GTF2F2: variants seen among roughly 807,000 people sequenced by gnomAD.
The protein encoded by GTF2F2 is general transcription factor IIF subunit 2.
GTF2F2 carries 23 observed loss-of-function variants against 42.2 expected under a neutral mutation model. That is an observed-to-expected ratio of 0.55 (90% confidence interval 0.39 to 0.77). The LOEUF (loss-of-function observed/expected upper bound fraction) is 0.77. GTF2F2 is among the 30% of genes least tolerant of loss of function. GTF2F2 has a pLI of 0.00. For synonymous variants in GTF2F2, 105 were observed against 100.8 expected, an observed-to-expected ratio of 1.04 and a Z score of -0.25; for missense variants, 261 against 287.2, an observed-to-expected ratio of 0.91 and a Z score of 0.66.
intron 4 of GTF2F2, among the ~76,000 whole-genome samples, chr13:45,175,238 CTAGGCTCATACATG>C (rs1871817070): frequency 6.6e-6 from 1 of 152,214 alleles, no homozygotes; most frequent in Non-Finnish European, 1.5e-5. Flanking sequence ...ATAATTACCT[CTAGGCTCATACATG>C]TTGCCTTGTT....
rs1383837531 is a variant in GTF2F2, at chr13:45,267,374, G to C, written c.628G>C (p.Val210Leu). 1 of 1,599,358 alleles carries C rather than the reference G, an allele frequency of 6.3e-7. No individual in the cohort carries two copies. Among genetic ancestry groups the C allele is most frequent in the Non-Finnish European group, 8.6e-7 (1 of 1,169,350 alleles). The change falls in exon 7 of 8, where the codon GTG (valine) becomes CTG (leucine). Residue 210 changes from valine to leucine, a missense_variant and splice_region_variant. Transcript: ENST00000340473. ...CTTGGTGGACATCACAAAGCAACCT[G>C]TGGTATGTATATGTTCATACTGATC... ...KDLVDITKQP[V>L]VYLKEILKEI...
intron 2 of GTF2F2, among the ~76,000 whole-genome samples, chr13:45,140,559 G>A (rs1464118770): frequency 1.3e-5 from 2 of 152,132 alleles, no homozygotes; most frequent in African/African-American, 4.8e-5. Flanking sequence ...TATGGAAATA[G>A]TTATTTATTT....
rs375937713 is a variant in GTF2F2 at position 45,133,898 on chromosome 13, A to G, written c.67-2835A>G. 9.8e-5 allele frequency among the ~76,000 whole-genome samples: 15 copies of G among 152,312 alleles called. No individual in the cohort carries two copies. The South Asian group carries it at 3.1e-3, about 32-fold the overall frequency. On this transcript the variant is annotated intron_variant, in intron 1 of 7. Coordinates refer to ENST00000340473, the MANE Select transcript of GTF2F2 (RefSeq NM_004128.3). ...AAGTCCGCTGGGTCTGAGTGCACTC[A>G]TTAAAGATATCCTCCTGTATACACC...
intron 4 of GTF2F2, among the ~76,000 whole-genome samples, chr13:45,168,906 T>TCCCTCCTTCCTTCCCTCCCTC (rs145117805): frequency 2.3e-5 from 2 of 87,340 alleles, no homozygotes; most frequent in South Asian, 4.5e-4. Flanking sequence ...CCTCCCTCCC[T>TCCCTCCTTCCTTCCCTCCCTC]CCTCCTTCCT....
chr13:45,252,905 C>A lies in GTF2F2; in HGVS notation c.421C>A (p.Leu141Ile). 1 of 1,509,698 alleles carries A rather than the reference C, an allele frequency of 6.6e-7. No homozygotes were observed. The highest frequency in any genetic ancestry group is 8.8e-7 in the Non-Finnish European group (1 of 1,133,064). 93.5% of individuals were successfully genotyped at this position (1,509,698 alleles called of 1,614,324 possible). ...QIEESSKPVR[L>I]SQQLDKVVTT... is the part of the protein sequence containing the mutation. ...AGAAGAGTCTTCCAAACCAGTGAGG[C>A]TATCACAACAGCTGGACAAAGTTGT... Residue 141 changes from leucine to isoleucine, a missense_variant, in exon 6 of 8, where the codon CTA (leucine) becomes ATA (isoleucine). Transcript: ENST00000340473.
chr13:45,268,579 A>C (rs1412063971), intron 7 of GTF2F2, among the ~76,000 whole-genome samples: 2 of 152,170 alleles, frequency 1.3e-5, no homozygotes, highest in Admixed American at 6.5e-5. Flanking sequence ...CCTTAGAAAC[A>C]GCATTCTAAG....
At chr13:45,137,989 C>T (rs949972552) in intron 2 of GTF2F2, among the ~76,000 whole-genome samples, 1 of 152,186 alleles carries the variant, frequency 6.6e-6, no homozygotes, top group East Asian at 1.9e-4. Flanking sequence ...TAATCGGCCA[C>T]GTCCACATTC....
Position 45,242,358 on chromosome 13 carries a change from C to A in GTF2F2, c.387-10513C>A, listed in dbSNP as rs373279588. 2.0e-5 allele frequency among the ~76,000 whole-genome samples: 3 copies of A among 149,056 alleles called. No homozygotes were observed. In the East Asian group the frequency reaches 5.9e-4, roughly 29 times the overall value. ...ACTCTACTGCTCTTCCTGCTTCTTGCTGTGAAAACTTTTTTCCTCCTTTCA... is the reference window on the plus strand; with the variant it reads ...ACTCTACTGCTCTTCCTGCTTCTTGATGTGAAAACTTTTTTCCTCCTTTCA... On this transcript the variant is annotated intron_variant, in intron 5 of 7. Coordinates refer to ENST00000340473, the MANE Select transcript of GTF2F2 (RefSeq NM_004128.3).
chr13:45,144,457 C>CTTTTTTTTTTTTTTTTTTTTT (rs11326737), intron 2 of GTF2F2, among the ~76,000 whole-genome samples: 1 of 74,040 alleles, frequency 1.4e-5, no homozygotes, highest in African/African-American at 5.3e-5. Context: ...TTTTTTTGGT[C>CTTTTTTTTTTTTTTTTTTTTT]TTTTTTTTTT....
At chr13:45,201,879 T>C (rs972788049) in intron 4 of GTF2F2, among the ~76,000 whole-genome samples, 12 of 152,194 alleles carry the variant, frequency 7.9e-5, no homozygotes, top group African/African-American at 2.9e-4. Flanking sequence ...GATGAGTTTG[T>C]GTGGCTTCTC....
Position 45,284,618 on chromosome 13 carries a change from C to G in GTF2F2, c.*1057C>G, listed in dbSNP as rs1428103175. 9 of 152,204 alleles carry G rather than the reference C, an allele frequency of 5.9e-5. 1 individual carries two copies. Among genetic ancestry groups the G allele is most frequent in the African/African-American group, 2.2e-4 (9 of 41,512 alleles). 9.4% of individuals were successfully genotyped at this position (152,204 alleles called of 1,614,324 possible). A position where few individuals can be genotyped will look rare whatever the true frequency, so the allele number is the denominator to read the frequency against. Reference sequence around the variant, plus strand: ...TTTCACTCGTTCATTTTGTCATCTGCTTCTAGATGCTGCAATCAAGAAGTA... The same window carrying G: ...TTTCACTCGTTCATTTTGTCATCTGGTTCTAGATGCTGCAATCAAGAAGTA... On this transcript the variant is annotated 3_prime_UTR_variant, in exon 8 of 8. Transcript: ENST00000340473.
At chr13:45,167,987 G>C (rs1326093502) in intron 4 of GTF2F2, among the ~76,000 whole-genome samples, 1 of 152,166 alleles carries the variant, frequency 6.6e-6, no homozygotes, top group Non-Finnish European at 1.5e-5. Context: ...CTTTTATATA[G>C]CTATGCAGAA....
chr13:45,241,340 A>T (rs1875294328), intron 5 of GTF2F2, among the ~76,000 whole-genome samples: 1 of 152,052 alleles, frequency 6.6e-6, no homozygotes, highest in African/African-American at 2.4e-5. Flanking sequence ...GGTTCACTCT[A>T]GCCCCAGCTT....
intron 4 of GTF2F2, among the ~76,000 whole-genome samples, chr13:45,203,504 A>G (rs1163972973): frequency 2.0e-5 from 3 of 152,168 alleles, no homozygotes; most frequent in East Asian, 1.9e-4. Flanking sequence ...TTCAGTCTCC[A>G]GTTGTCTCAC....
intron 5 of GTF2F2, among the ~76,000 whole-genome samples, chr13:45,238,813 G>A (rs536642347): frequency 3.9e-5 from 6 of 151,992 alleles, no homozygotes; most frequent in East Asian, 1.9e-4. Flanking sequence ...GTGTGGTGGC[G>A]CATGCCTGTA....
chr13:45,187,202 C>A (rs894265065), intron 4 of GTF2F2, among the ~76,000 whole-genome samples: 3 of 151,980 alleles, frequency 2.0e-5, no homozygotes, highest in Admixed American at 1.3e-4. Context: ...CCAGCCTGGG[C>A]AACAAAGTGA....
In GTF2F2 at chr13:45,267,251, AAG is replaced by A. The variant is rs1876601314; in HGVS notation, c.507_508del (p.Lys170ArgfsTer9). On this transcript the variant is annotated frameshift_variant, in exon 7 of 8. Transcript: ENST00000340473. LOFTEE classifies it high-confidence loss of function. ...CATATAGATCGAATATGAAAGGAAA[AAG>A]AAAGAAGACGGAAAGCGAGCTCGAG... is the stretch of plus-strand genomic sequence containing the variant. ...HQYNIEYERK[K>X]KEDGKRARAD... 2 of 1,613,140 alleles carry A rather than the reference AAG, an allele frequency of 1.2e-6. No homozygotes were observed. Among genetic ancestry groups the A allele is most frequent in the Non-Finnish European group, 1.7e-6 (2 of 1,179,436 alleles).
At chr13:45,212,447 G>GTTTCTTTCTTTCTTTTCCTTTC in intron 5 of GTF2F2, among the ~76,000 whole-genome samples, 1 of 45,684 alleles carries the variant, frequency 2.2e-5, no homozygotes, top group East Asian at 4.9e-4. Flanking sequence ...TTTCTTTCTT[G>GTTTCTTTCTTTCTTTTCCTTTC]TTTCTTTCTT....
intron 4 of GTF2F2, among the ~76,000 whole-genome samples, chr13:45,200,434 A>C (rs1267621124): frequency 1.3e-5 from 2 of 152,026 alleles, no homozygotes; most frequent in Admixed American, 1.3e-4. Context: ...AAACTCCCGT[A>C]TAGTTGGGGC....
Sources: gnomAD v4.1 joint callset for allele counts (sites outside exome capture counted in the v4.1 genomes callset) on GRCh38, gnomAD v4.1.1 for gene constraint, MANE v1.5 for transcripts, NCBI Gene and HGNC (gene_info 2026-07-23, HGNC 2026-07-21) for gene names.